Variants in ZCCHC7 observed in about 807,000 individuals in gnomAD.
ZCCHC7 encodes zinc finger CCHC domain-containing protein 7.
In ZCCHC7, 35 loss-of-function variants were observed where a neutral mutation model predicts 52.0. The ratio of observed to expected loss-of-function variants is 0.67; its 90% CI spans 0.51 to 0.89. The LOEUF is 0.89. Among genes scored for constraint, ZCCHC7 ranks in the 40% least tolerant of loss-of-function variants. The probability of loss-of-function intolerance (pLI) is 0.00; values close to 1 mark genes in which losing one functional copy is unlikely to be tolerated. For synonymous variants in ZCCHC7, 217 were observed against 221.5 expected (o/e 0.98, Z 0.18); for missense variants, 574 against 649.1 (o/e 0.88, Z 1.26).
intron 2 of ZCCHC7, 31 bp downstream of exon 2, chr9:37,126,973 G>GT: frequency 6.2e-7 from 1 of 1,601,784 alleles, no homozygotes; most frequent in South Asian, 1.1e-5. Context: ...TTTGAAAGTA[G>GT]TATCATCTTT....
intron 2 of ZCCHC7, among the ~76,000 whole-genome samples, chr9:37,244,803 T>C (rs1055595706): frequency 6.6e-6 from 1 of 151,868 alleles, no homozygotes; most frequent in Non-Finnish European, 1.5e-5. Context: ...GAATCCAGTG[T>C]TGAATTTTTT....
At chr9:37,349,037 A>G (rs760304001) in intron 6 of ZCCHC7, among the ~76,000 whole-genome samples, 15 of 152,308 alleles carry the variant, frequency 9.8e-5, no homozygotes, top group Admixed American at 5.2e-4. Flanking sequence ...CTGTATTGAC[A>G]TTGTTTTGTA....
At chr9:37,179,663 A>C (rs962148361) in intron 2 of ZCCHC7, among the ~76,000 whole-genome samples, 1 of 152,166 alleles carries the variant, frequency 6.6e-6, no homozygotes, top group Non-Finnish European at 1.5e-5. Context: ...ATGGCTGTCG[A>C]GTATAAACAT....
chr9:37,190,800 C>T (rs993292762), intron 2 of ZCCHC7, among the ~76,000 whole-genome samples: 4 of 152,082 alleles, frequency 2.6e-5, no homozygotes, highest in Non-Finnish European at 5.9e-5. Context: ...GGGTGGATCA[C>T]CTGAAGTCAG....
intron 2 of ZCCHC7, among the ~76,000 whole-genome samples, chr9:37,292,248 C>T (rs912886424): frequency 2.6e-5 from 4 of 152,032 alleles, no homozygotes; most frequent in Admixed American, 2.6e-4. Flanking sequence ...TAAAAGGTCC[C>T]ATTGGACCCA....
intron 2 of ZCCHC7, among the ~76,000 whole-genome samples, chr9:37,179,923 A>G (rs1187530153): frequency 7.2e-5 from 11 of 152,204 alleles, no homozygotes; most frequent in Non-Finnish European, 1.5e-4. Flanking sequence ...TTTAGAGTCC[A>G]TAAGTATAAA....
At chr9:37,317,978 A>C (rs1829895204) in intron 5 of ZCCHC7, among the ~76,000 whole-genome samples, 1 of 152,204 alleles carries the variant, frequency 6.6e-6, no homozygotes, top group South Asian at 2.1e-4. Flanking sequence ...TTACAAATCA[A>C]TATAAAGAAA....
chr9:37,297,365 A>G (rs1317009592), intron 2 of ZCCHC7, among the ~76,000 whole-genome samples: 1 of 152,226 alleles, frequency 6.6e-6, no homozygotes, highest in African/African-American at 2.4e-5. Flanking sequence ...TGTCTTTTAC[A>G]TGAGAGAGAT....
intron 6 of ZCCHC7, among the ~76,000 whole-genome samples, chr9:37,341,746 G>A (rs583706): frequency 0.011 from 1,665 of 152,150 alleles, 32 homozygotes; most frequent in African/African-American, 0.036. Context: ...TTGAGCCAAG[G>A]CTTGAAGGAA....
At chr9:37,277,992 C>A (rs148679034) in intron 2 of ZCCHC7, among the ~76,000 whole-genome samples, 4,915 of 126,766 alleles carry the variant, frequency 0.039, 111 homozygotes, top group Non-Finnish European at 0.056. Context: ...ATTAGAAAAT[C>A]AAAAAAAAAA....
At chr9:37,202,875 A>G (rs1024126558) in intron 2 of ZCCHC7, among the ~76,000 whole-genome samples, 11 of 152,244 alleles carry the variant, frequency 7.2e-5, no homozygotes, top group African/African-American at 2.7e-4. Flanking sequence ...AATATGATTT[A>G]TTTTTAGGAA....
At chr9:37,158,026 G>C (rs186041606) in intron 2 of ZCCHC7, among the ~76,000 whole-genome samples, 1 of 152,316 alleles carries the variant, frequency 6.6e-6, no homozygotes, top group East Asian at 1.9e-4. Context: ...AATATACTTG[G>C]TAAGGATGTA....
intron 5 of ZCCHC7, among the ~76,000 whole-genome samples, chr9:37,307,145 G>A (rs1463108161): frequency 6.6e-6 from 1 of 152,082 alleles, no homozygotes; most frequent in East Asian, 1.9e-4. Flanking sequence ...GGACAAGGCA[G>A]CCATTACTTT....
At chr9:37,197,628 C>G (rs548723725) in intron 2 of ZCCHC7, among the ~76,000 whole-genome samples, 49 of 152,196 alleles carry the variant, frequency 3.2e-4, no homozygotes, top group African/African-American at 1.2e-3. Context: ...GTTATTTGAT[C>G]TAATGTAAGA....
intron 2 of ZCCHC7, among the ~76,000 whole-genome samples, chr9:37,229,451 A>G (rs953471702): frequency 3.3e-5 from 5 of 152,202 alleles, no homozygotes; most frequent in Non-Finnish European, 5.9e-5. Flanking sequence ...CACCTAGGCC[A>G]TATGATATCC....
At chr9:37,157,795 ATAG>A (rs1365550557) in intron 2 of ZCCHC7, among the ~76,000 whole-genome samples, 1 of 152,238 alleles carries the variant, frequency 6.6e-6, no homozygotes, top group Admixed American at 6.5e-5. Flanking sequence ...ATGATAACAA[ATAG>A]TGGTGAAGAT....
At chr9:37,355,641 C>T (rs189943351) in intron 8 of ZCCHC7, among the ~76,000 whole-genome samples, 1 of 152,266 alleles carries the variant, frequency 6.6e-6, no homozygotes, top group Admixed American at 6.5e-5. Flanking sequence ...CAGGAGCCTC[C>T]TCATTTACCA....
intron 2 of ZCCHC7, among the ~76,000 whole-genome samples, chr9:37,230,890 T>C (rs1287142245): frequency 6.6e-6 from 1 of 151,978 alleles, no homozygotes; most frequent in Non-Finnish European, 1.5e-5. Context: ...TACTCTAGAC[T>C]TTTTTTTACA....
At chr9:37,356,199 C>T (rs1821690897) in intron 8 of ZCCHC7, among the ~76,000 whole-genome samples, 1 of 152,210 alleles carries the variant, frequency 6.6e-6, no homozygotes, top group Non-Finnish European at 1.5e-5. Flanking sequence ...CTCACTGTAA[C>T]CTCATCTCCC....
Sources: allele counts gnomAD v4.1 joint callset (sites outside exome capture counted in the v4.1 genomes callset), GRCh38; gene constraint gnomAD v4.1.1; transcripts MANE v1.5; gene names NCBI Gene and HGNC (gene_info 2026-07-23, HGNC 2026-07-21).